The following CNTNAP5 variants were observed in gnomAD, a reference collection of about 807,000 sequenced individuals.
CNTNAP5 encodes contactin associated protein family member 5, also known as contactin-associated protein-like 5.
CNTNAP5 carries 72 observed loss-of-function variants against 150.2 expected under a neutral mutation model. The observed-to-expected ratio is 0.48, with a 90% CI of 0.40 to 0.58. The LOEUF is 0.58. Among genes scored for constraint, CNTNAP5 ranks in the 20% least tolerant of loss-of-function variants. CNTNAP5 has a pLI of 0.00. For missense variants in CNTNAP5, 1,636 were observed against 1,626.2 expected, an observed-to-expected ratio of 1.01 and a Z score of -0.10; for synonymous variants, 672 against 619.8, an observed-to-expected ratio of 1.08 and a Z score of -1.25.
At chr2:124,362,282 C>G (rs747757946) in intron 3 of CNTNAP5, among the ~76,000 whole-genome samples, 1 of 152,204 alleles carries the variant, frequency 6.6e-6, no homozygotes, top group Non-Finnish European at 1.5e-5. Flanking sequence ...GCGTCGCTCA[C>G]GCTGGGAGCT....
intron 21 of CNTNAP5, among the ~76,000 whole-genome samples, chr2:124,877,622 C>T (rs996265561): frequency 6.6e-6 from 1 of 152,122 alleles, no homozygotes; most frequent in African/African-American, 2.4e-5. Flanking sequence ...AGCAAAAAAA[C>T]TGTCCTTGTT....
intron 10 of CNTNAP5, among the ~76,000 whole-genome samples, chr2:124,528,179 G>A (rs1267150143): frequency 6.6e-6 from 1 of 152,154 alleles, no homozygotes; most frequent in African/African-American, 2.4e-5. Context: ...TTTATAGAAT[G>A]GGTGAATAAT....
chr2:124,464,649 T>G (rs771343721), intron 6 of CNTNAP5, among the ~76,000 whole-genome samples: 3 of 152,200 alleles, frequency 2.0e-5, no homozygotes, highest in Non-Finnish European at 4.4e-5. Context: ...CGTCCAATTT[T>G]GCCTATATGC....
At chr2:124,334,930 T>C (rs1689435196) in intron 3 of CNTNAP5, among the ~76,000 whole-genome samples, 1 of 152,130 alleles carries the variant, frequency 6.6e-6, no homozygotes, top group Non-Finnish European at 1.5e-5. Context: ...CTCAATCCAA[T>C]GAACCCCTTT....
Position 124,203,924 on chromosome 2 carries a change from G to A in CNTNAP5, c.83-17781G>A, listed in dbSNP as rs539019152. 2.0e-4 allele frequency among the ~76,000 whole-genome samples: 31 copies of A among 152,236 alleles called. No individual in the cohort carries two copies. The East Asian group carries it at 2.5e-3, about 12-fold the overall frequency. On this transcript the variant is annotated intron_variant, in intron 1 of 23. Coordinates refer to ENST00000682447, the MANE Select transcript of CNTNAP5 (RefSeq NM_001367498.1). ...ATTGTCTTGGCCAGTAACATTTGGC[G>A]CCTTGTTACTTATGCAAATTTCTGC...
intron 16 of CNTNAP5, among the ~76,000 whole-genome samples, chr2:124,768,440 A>G (rs1681115974): frequency 6.6e-6 from 1 of 152,174 alleles, no homozygotes; most frequent in Non-Finnish European, 1.5e-5. Flanking sequence ...TGGACACACT[A>G]TAGTTAGAAC....
chr2:124,446,721 G>A, intron 5 of CNTNAP5, 32 bp from the exon 6 acceptor site: 1 of 1,602,432 alleles, frequency 6.2e-7, no homozygotes. Flanking sequence ...CTTGGACACA[G>A]ACATCATCTT....
chr2:124,258,065 GC>G, intron 3 of CNTNAP5, among the ~76,000 whole-genome samples: 1 of 152,140 alleles, frequency 6.6e-6, no homozygotes, highest in East Asian at 1.9e-4. Flanking sequence ...CTAGACGTTA[GC>G]CCCCAAGTGA....
intron 19 of CNTNAP5, among the ~76,000 whole-genome samples, chr2:124,846,546 T>G (rs535842807): frequency 6.6e-6 from 1 of 152,328 alleles, no homozygotes; most frequent in East Asian, 1.9e-4. Context: ...AGCTTAAAAA[T>G]TGACCTTCTG....
Position 124,430,659 on chromosome 2 carries a change from A to T in CNTNAP5, c.530-3825A>T, listed in dbSNP as rs192312141. 3.4e-3 allele frequency among the ~76,000 whole-genome samples: 520 copies of T among 152,272 alleles called. 2 individuals are homozygous for T. The highest frequency in any genetic ancestry group is 5.5e-3 in the Non-Finnish European group (374 of 68,028). On this transcript the variant is annotated intron_variant, in intron 4 of 23. Coordinates refer to ENST00000682447, the MANE Select transcript of CNTNAP5 (RefSeq NM_001367498.1). Reference sequence around the variant, plus strand: ...GGTATGATGTTTCTTATGCTTTTTAACGTTAAAAACTGTGTCAGGTGAAGG... The same window carrying T: ...GGTATGATGTTTCTTATGCTTTTTATCGTTAAAAACTGTGTCAGGTGAAGG...
At chr2:124,095,899 G>A (rs538544512) in intron 1 of CNTNAP5, among the ~76,000 whole-genome samples, 6 of 151,952 alleles carry the variant, frequency 3.9e-5, no homozygotes, top group African/African-American at 1.2e-4. Flanking sequence ...GATAAACATC[G>A]TTAGCCCCAT....
chr2:124,381,641 T>C (rs958990195), intron 3 of CNTNAP5, among the ~76,000 whole-genome samples: 2 of 151,710 alleles, frequency 1.3e-5, no homozygotes, highest in Admixed American at 1.3e-4. Context: ...CGGGGTAAAG[T>C]GGGGAAATGA....
intron 19 of CNTNAP5, among the ~76,000 whole-genome samples, chr2:124,828,148 G>A (rs934855076): frequency 3.3e-5 from 5 of 152,112 alleles, no homozygotes; most frequent in African/African-American, 9.7e-5. Flanking sequence ...CTTTTTCAAA[G>A]GTTGTAAAGT....
In CNTNAP5 at chr2:124,707,043, AGGAGGAGGAGGAGGAGG is replaced by A. The variant is rs1558743499; in HGVS notation, c.2078-40185_2078-40169del. 2.3e-4 allele frequency among the ~76,000 whole-genome samples: 29 copies of A among 125,644 alleles called. 1 individual carries two copies. The highest frequency in any genetic ancestry group is 8.6e-4 in the African/African-American group (26 of 30,354). The allele number at this position is 125,644 out of a possible 152,430, so 82.4% of individuals were successfully genotyped here. A position where few individuals can be genotyped will look rare whatever the true frequency, so the allele number is the denominator to read the frequency against. On this transcript the variant is annotated intron_variant, in intron 13 of 23. Coordinates refer to ENST00000682447, the MANE Select transcript of CNTNAP5 (RefSeq NM_001367498.1). ...GAGAAGAAGAAGAAGAAGAAGAAGGAGGAGGAGGAGGAGGAGGAGAGGAAGAGGAAGAAGAAGAAGAG... is the reference window on the plus strand; with the variant it reads ...GAGAAGAAGAAGAAGAAGAAGAAGGAAGAGGAAGAGGAAGAAGAAGAAGAG...
intron 13 of CNTNAP5, among the ~76,000 whole-genome samples, chr2:124,705,927 TA>T (rs35353664): frequency 0.16 from 24,686 of 152,096 alleles, 2,269 homozygotes; most frequent in East Asian, 0.24. Flanking sequence ...AGTTTGAAAA[TA>T]ACTGTGGACA....
At chr2:124,477,501 G>A (rs1265465055) in intron 7 of CNTNAP5, among the ~76,000 whole-genome samples, 1 of 152,064 alleles carries the variant, frequency 6.6e-6, no homozygotes, top group East Asian at 1.9e-4. Context: ...GATGATGCTA[G>A]GGAGGGATTA....
intron 6 of CNTNAP5, among the ~76,000 whole-genome samples, chr2:124,451,461 C>CA (rs982723530): frequency 5.9e-5 from 9 of 151,494 alleles, no homozygotes; most frequent in Non-Finnish European, 1.2e-4. Context: ...GACTGTTCAC[C>CA]AAAAAAATCT....
At chr2:124,570,105 C>A (rs1359625370) in intron 11 of CNTNAP5, among the ~76,000 whole-genome samples, 1 of 152,146 alleles carries the variant, frequency 6.6e-6, no homozygotes, top group African/African-American at 2.4e-5. Context: ...GGGATGATAT[C>A]TGAATCTTCC....
intron 7 of CNTNAP5, among the ~76,000 whole-genome samples, chr2:124,490,680 T>C (rs1218380841): frequency 2.0e-5 from 3 of 152,120 alleles, no homozygotes; most frequent in Non-Finnish European, 4.4e-5. Context: ...TTGAAGTAAG[T>C]ATGTCTGGTG....
Sources: gnomAD v4.1 joint callset for allele counts (sites outside exome capture counted in the v4.1 genomes callset) on GRCh38, gnomAD v4.1.1 for gene constraint, MANE v1.5 for transcripts, NCBI Gene and HGNC (gene_info 2026-07-23, HGNC 2026-07-21) for gene names.